The following TRIP12 variants were observed in gnomAD, a reference collection of about 807,000 sequenced individuals.
TRIP12 encodes the protein thyroid hormone receptor interactor 12, also known as E3 ubiquitin-protein ligase TRIP12.
TRIP12 carries 25 observed loss-of-function variants against 244.2 expected under a neutral mutation model. That is an observed-to-expected ratio of 0.10 (90% CI 0.07 to 0.14). The LOEUF (loss-of-function observed/expected upper bound fraction) is 0.14, where lower values mean the gene tolerates loss of function less well. Among genes scored for constraint, TRIP12 ranks in the 10% least tolerant of loss-of-function variants. The pLI, the probability that TRIP12 is intolerant of heterozygous loss-of-function variation, is 1.00. For missense variants in TRIP12, 1,677 were observed against 2,486.4 expected (o/e 0.67, Z 6.92); for synonymous variants, 905 against 873.1 (o/e 1.04, Z -0.64).
chr2:229,867,496 A>G lies in TRIP12; in HGVS notation c.99-6965T>C, dbSNP rs77229064. ...AATGTCTGAAGACTTTAGAGATAGT[A>G]TATGAGAAAAAGGGAGGAAAACACC... On this transcript the variant is annotated intron_variant, in intron 2 of 41. Coordinates refer to ENST00000675903, the MANE Select transcript of TRIP12 (RefSeq NM_001348323.3). Among the ~76,000 whole-genome samples the G allele has an allele frequency of 5.9e-3, 892 of 152,212 alleles. 14 individuals carry two copies. The East Asian group carries it at 0.059, about 10-fold the overall frequency.
At chr2:229,797,942 C>T in intron 23 of TRIP12, 111 bp from the exon 24 acceptor site, 2 of 1,150,990 alleles carry the variant, frequency 1.7e-6, no homozygotes, top group Non-Finnish European at 2.4e-6. Flanking sequence ...TCTATGCTTA[C>T]AGTTTAAAAA....
intron 1 of TRIP12, among the ~76,000 whole-genome samples, chr2:229,882,857 C>G (rs2065162803): frequency 6.6e-6 from 1 of 152,152 alleles, no homozygotes; most frequent in Non-Finnish European, 1.5e-5. Context: ...TGCTGGTCAA[C>G]CAGCACCATT....
intron 37 of TRIP12, among the ~76,000 whole-genome samples, chr2:229,775,478 C>G (rs2035939796): frequency 1.3e-5 from 2 of 151,312 alleles, no homozygotes; most frequent in Admixed American, 1.3e-4. Flanking sequence ...TGTCACAGAT[C>G]AAGGTGATTA....
At chr2:229,819,150 T>A (rs961233367) in intron 8 of TRIP12, among the ~76,000 whole-genome samples, 2 of 151,924 alleles carry the variant, frequency 1.3e-5, no homozygotes, top group Non-Finnish European at 2.9e-5. Context: ...ATGTTCCTAC[T>A]TTTAAGACTT....
At chr2:229,851,593 A>G (rs937510871) in intron 4 of TRIP12, among the ~76,000 whole-genome samples, 5 of 152,128 alleles carry the variant, frequency 3.3e-5, no homozygotes, top group Non-Finnish European at 7.4e-5. Flanking sequence ...ACTCTTTGCA[A>G]TAAATCTTGC....
intron 1 of TRIP12, among the ~76,000 whole-genome samples, chr2:229,917,892 T>G (rs2075801463): frequency 1.3e-5 from 2 of 152,092 alleles, no homozygotes; most frequent in Middle Eastern, 3.2e-3. Flanking sequence ...ACAGTCTCAC[T>G]ATGTTGCCTG....
At chr2:229,908,317 A>C (rs555019769) in intron 1 of TRIP12, among the ~76,000 whole-genome samples, 6 of 152,256 alleles carry the variant, frequency 3.9e-5, no homozygotes, top group Non-Finnish European at 5.9e-5. Flanking sequence ...TCTGAATTCA[A>C]GGTGGGCAAA....
At chr2:229,881,917 T>C (rs2064965306) in intron 1 of TRIP12, among the ~76,000 whole-genome samples, 2 of 152,184 alleles carry the variant, frequency 1.3e-5, no homozygotes, top group African/African-American at 2.4e-5. Flanking sequence ...GAAGAAATCA[T>C]TTTTGTTGTC....
rs1166102968 is a variant in TRIP12 at position 229,766,479 on chromosome 2, T to A, written c.*1075A>T. Reference sequence around the variant, plus strand: ...CATAAAATGACTGGACAGCATTGCTTACAGGTGCTTTTATCTGCGTCGAGA... The same window carrying A: ...CATAAAATGACTGGACAGCATTGCTAACAGGTGCTTTTATCTGCGTCGAGA... On this transcript the variant is annotated 3_prime_UTR_variant, in exon 42 of 42. Coordinates refer to ENST00000675903, the MANE Select transcript of TRIP12 (RefSeq NM_001348323.3). 6.6e-6 allele frequency: 1 copy of A among 152,212 alleles called. No individual in the cohort carries two copies. Among genetic ancestry groups the A allele is most frequent in the African/African-American group, 2.4e-5 (1 of 41,450 alleles). The allele number at this position is 152,212 out of a possible 1,614,324, so 9.4% of individuals were successfully genotyped here. A position where few individuals can be genotyped will look rare whatever the true frequency, so the allele number is the denominator to read the frequency against.
In TRIP12 at chr2:229,767,404, T is replaced by C. The variant is rs2032128594; in HGVS notation, c.*150A>G. ...AAGTCCATGGGGCCATTAATGAATA[T>C]CAACCAAATGTCTCTTTATAATCTG... On this transcript the variant is annotated 3_prime_UTR_variant, in exon 42 of 42. Coordinates refer to ENST00000675903, the MANE Select transcript of TRIP12 (RefSeq NM_001348323.3). The C allele has an allele frequency of 2.3e-6, 2 of 886,770 alleles. No homozygotes were observed. Among genetic ancestry groups the C allele is most frequent in the South Asian group, 2.6e-5 (1 of 38,124 alleles). The allele number at this position is 886,770 out of a possible 1,614,324, so 54.9% of individuals were successfully genotyped here.
At chr2:229,914,604 G>C (rs2075021283) in intron 1 of TRIP12, among the ~76,000 whole-genome samples, 1 of 152,204 alleles carries the variant, frequency 6.6e-6, no homozygotes, top group African/African-American at 2.4e-5. Flanking sequence ...ATGTTTACCA[G>C]TATAAAATCT....
chr2:229,782,682 G>T (rs771578134), intron 34 of TRIP12, among the ~76,000 whole-genome samples: 1 of 152,152 alleles, frequency 6.6e-6, no homozygotes, highest in African/African-American at 2.4e-5. Context: ...AGGAGAAAAT[G>T]CTTAATAAAA....
chr2:229,780,238 C>T (rs2037646129), intron 34 of TRIP12, among the ~76,000 whole-genome samples: 1 of 152,176 alleles, frequency 6.6e-6, no homozygotes, highest in East Asian at 1.9e-4. Flanking sequence ...ATCCTTAGAG[C>T]CGTCCTTGGC....
rs549313913 is a variant in TRIP12 at position 229,789,883 on chromosome 2, T to C, written c.4544-121A>G. 8 of 1,039,124 alleles carry C rather than the reference T, an allele frequency of 7.7e-6. No homozygotes were observed. The East Asian group carries it at 1.7e-4, about 22-fold the overall frequency. 64.4% of individuals were successfully genotyped at this position (1,039,124 alleles called of 1,614,324 possible). The stretch of plus-strand genomic sequence containing the variant: ...TTGTTATAGTCAACGCTTGGAATCT[T>C]ATTAGTAGGGTATTGATAAGTTTGA... On this transcript the variant is annotated intron_variant, in intron 30 of 41. Coordinates refer to ENST00000675903, the MANE Select transcript of TRIP12 (RefSeq NM_001348323.3).
At chr2:229,802,824 G>A (rs1262582368) in intron 20 of TRIP12, among the ~76,000 whole-genome samples, 7 of 152,030 alleles carry the variant, frequency 4.6e-5, no homozygotes, top group Non-Finnish European at 1.0e-4. Flanking sequence ...CAGAAGGGAT[G>A]GAAAAGACCA....
rs910397201 is a variant in TRIP12, at chr2:229,852,364, AT to A, written c.1027+6407del. On this transcript the variant is annotated intron_variant, in intron 4 of 41. Transcript: ENST00000675903. ...TCTACTCACTTTGAAATTATTGCAA[AT>A]TTTTTTTTAAATTAGCTTTTATAAG... Among the ~76,000 whole-genome samples, 868 of 151,812 alleles carry A rather than the reference AT, an allele frequency of 5.7e-3. 9 individuals carry two copies. The highest frequency in any genetic ancestry group is 0.019 in the African/African-American group (806 of 41,416).
chr2:229,817,393 A>C (rs1335171750), intron 9 of TRIP12, among the ~76,000 whole-genome samples: 2 of 152,182 alleles, frequency 1.3e-5, no homozygotes, highest in Non-Finnish European at 2.9e-5. Context: ...TTTTGGACAA[A>C]GAAAATTATC....
chr2:229,778,334 G>C lies in TRIP12; in HGVS notation c.5364+99C>G. The C allele has an allele frequency of 7.1e-7, 1 of 1,410,128 alleles. No individual in the cohort carries two copies. 87.4% of individuals were successfully genotyped at this position (1,410,128 alleles called of 1,614,324 possible). A position where few individuals can be genotyped will look rare whatever the true frequency, so the allele number is the denominator to read the frequency against. On this transcript the variant is annotated intron_variant, in intron 36 of 41. Coordinates refer to ENST00000675903, the MANE Select transcript of TRIP12 (RefSeq NM_001348323.3). The surrounding 1 kb of genome is among the most constrained non-coding windows in gnomAD (Gnocchi z 4.1). ...TCATATGTGTATTGAAGTTTGAGAA[G>C]CATTGCTCTAAACTATAGCAGTAAA...
chr2:229,895,850 A>G (rs963152441), intron 1 of TRIP12, among the ~76,000 whole-genome samples: 9 of 152,130 alleles, frequency 5.9e-5, no homozygotes, highest in African/African-American at 2.2e-4. Flanking sequence ...CAGACATGTC[A>G]TAATTCAAAA....
Sources: allele counts gnomAD v4.1 joint callset (sites outside exome capture counted in the v4.1 genomes callset), GRCh38; gene constraint gnomAD v4.1.1; non-coding constraint Gnocchi (gnomAD v3.1); transcripts MANE v1.5; gene names NCBI Gene and HGNC (gene_info 2026-07-23, HGNC 2026-07-21).